Variants in MGAT4C observed in about 807,000 individuals in gnomAD.
MGAT4C encodes alpha-1,3-mannosyl-glycoprotein 4-beta-N-acetylglucosaminyltransferase C.
Under a neutral mutation model 40.1 loss-of-function variants are expected in MGAT4C, and 19 were observed. The ratio of observed to expected loss-of-function variants is 0.47; its 90% confidence interval spans 0.33 to 0.70. The LOEUF is 0.70. MGAT4C is among the 30% of genes least tolerant of loss of function. MGAT4C has a pLI of 0.02. For synonymous variants in MGAT4C, 181 were observed against 187.1 expected, an observed-to-expected ratio of 0.97 and a Z score of 0.27; for missense variants, 491 against 563.2, an observed-to-expected ratio of 0.87 and a Z score of 1.30.
At chr12:86,817,872 G>A (rs1013084214) in intron 1 of MGAT4C, among the ~76,000 whole-genome samples, 1 of 151,406 alleles carries the variant, frequency 6.6e-6, no homozygotes, top group Non-Finnish European at 1.5e-5. Context: ...CTAGGATAGA[G>A]TGTGGGCCTT....
chr12:86,527,627 C>T (rs1421123871), intron 2 of MGAT4C, among the ~76,000 whole-genome samples: 2 of 152,156 alleles, frequency 1.3e-5, no homozygotes, highest in Non-Finnish European at 2.9e-5. Context: ...AATCCATAAG[C>T]ATTGAATATC....
rs1956934976 is a variant in MGAT4C at position 86,426,836 on chromosome 12, AC to A, written c.-120+8320del. 2.0e-5 allele frequency among the ~76,000 whole-genome samples: 3 copies of A among 152,082 alleles called. No individual in the cohort carries two copies. The South Asian group carries it at 6.2e-4, about 32-fold the overall frequency. ...GTGGCGGGCGCCTGTAGTCCCAGCC[AC>A]TCGGGAGGCTGAGGCAGGAGAATGG... On this transcript the variant is annotated intron_variant, in intron 3 of 7. Transcript: ENST00000548651.
rs1883639681 is a variant in MGAT4C, at chr12:85,971,939, G to A, written c.*7350C>T. On this transcript the variant is annotated 3_prime_UTR_variant, in exon 5 of 5. Coordinates refer to ENST00000611864, the MANE Select transcript of MGAT4C (RefSeq NM_001351288.2). The stretch of plus-strand genomic sequence containing the variant: ...AGATAGGTTGTTGGGAATATTCAGG[G>A]TGAATGTGTCTTTTCTACTTTGACT... The A allele has an allele frequency of 3.3e-5, 5 of 151,122 alleles. No individual in the cohort carries two copies. Among genetic ancestry groups the A allele is most frequent in the Admixed American group, 2.6e-4 (4 of 15,130 alleles). 9.4% of individuals were successfully genotyped at this position (151,122 alleles called of 1,614,324 possible). A position where few individuals can be genotyped will look rare whatever the true frequency, so the allele number is the denominator to read the frequency against.
intron 2 of MGAT4C, among the ~76,000 whole-genome samples, chr12:86,526,003 G>C (rs1958873838): frequency 6.6e-6 from 1 of 152,226 alleles, no homozygotes; most frequent in African/African-American, 2.4e-5. Context: ...GTGCTGGGGT[G>C]CCTGCCTCCA....
chr12:86,150,681 G>A (rs1884160825), intron 1 of MGAT4C, among the ~76,000 whole-genome samples: 1 of 152,152 alleles, frequency 6.6e-6, no homozygotes, highest in African/African-American at 2.4e-5. Flanking sequence ...ATAACTTCAA[G>A]CTCAATAATT....
chr12:86,136,151 C>G (rs1398052292), intron 1 of MGAT4C, among the ~76,000 whole-genome samples: 1 of 152,052 alleles, frequency 6.6e-6, no homozygotes, highest in Non-Finnish European at 1.5e-5. Flanking sequence ...AATAATCACT[C>G]TATTAGTCTG....
At chr12:86,411,440 C>T (rs974516975) in intron 3 of MGAT4C, among the ~76,000 whole-genome samples, 6 of 152,174 alleles carry the variant, frequency 3.9e-5, no homozygotes, top group African/African-American at 7.2e-5. Context: ...TTGCAAAGAG[C>T]TTGGCAGCAT....
chr12:86,074,640 G>A (rs1184642923), intron 1 of MGAT4C, among the ~76,000 whole-genome samples: 1 of 152,046 alleles, frequency 6.6e-6, no homozygotes, highest in Non-Finnish European at 1.5e-5. Context: ...TGTTGATAAA[G>A]ACACACCCAA....
At chr12:86,162,705 C>T (rs1885735710) in intron 1 of MGAT4C, among the ~76,000 whole-genome samples, 1 of 152,080 alleles carries the variant, frequency 6.6e-6, no homozygotes, top group Non-Finnish European at 1.5e-5. Context: ...GGTCAACAAA[C>T]AGCTATTGAC....
intron 2 of MGAT4C, among the ~76,000 whole-genome samples, chr12:86,595,769 A>G (rs182022039): frequency 2.6e-5 from 4 of 152,310 alleles, no homozygotes; most frequent in African/African-American, 9.6e-5. Context: ...TTTTTGACAA[A>G]CATCCTTAAA....
At chr12:86,498,949 G>A (rs1958288388) in intron 2 of MGAT4C, among the ~76,000 whole-genome samples, 1 of 151,956 alleles carries the variant, frequency 6.6e-6, no homozygotes, top group Non-Finnish European at 1.5e-5. Context: ...TGCTTGATAT[G>A]CACTATAGAT....
chr12:86,382,835 T>G (rs951590133), intron 3 of MGAT4C, among the ~76,000 whole-genome samples: 1 of 152,180 alleles, frequency 6.6e-6, no homozygotes, highest in African/African-American at 2.4e-5. Flanking sequence ...ACAGAAGTCA[T>G]GAATTGGGGT....
chr12:86,806,196 TG>T (rs1299715447), intron 1 of MGAT4C, among the ~76,000 whole-genome samples: 3 of 151,968 alleles, frequency 2.0e-5, no homozygotes, highest in African/African-American at 7.2e-5. Context: ...TGCAAATATA[TG>T]GGTTGCAAAT....
At chr12:86,723,335 A>C (rs931457716) in intron 2 of MGAT4C, among the ~76,000 whole-genome samples, 3 of 152,186 alleles carry the variant, frequency 2.0e-5, no homozygotes, top group Non-Finnish European at 4.4e-5. Flanking sequence ...AGGGCTGCCA[A>C]AACATAGTGC....
chr12:86,738,244 CAT>C (rs1293647780), intron 1 of MGAT4C, among the ~76,000 whole-genome samples: 1 of 151,390 alleles, frequency 6.6e-6, no homozygotes, highest in Non-Finnish European at 1.5e-5. Context: ...TCTTCTCACA[CAT>C]ATTTGTTTTC....
intron 2 of MGAT4C, among the ~76,000 whole-genome samples, chr12:86,444,852 C>G (rs1957304189): frequency 1.3e-5 from 2 of 152,064 alleles, no homozygotes; most frequent in African/African-American, 4.8e-5. Flanking sequence ...AACAACTCCC[C>G]AAGAGGAAAG....
intron 1 of MGAT4C, among the ~76,000 whole-genome samples, chr12:86,788,198 A>G (rs1042841819): frequency 6.6e-6 from 1 of 151,400 alleles, no homozygotes; most frequent in South Asian, 2.1e-4. Context: ...TATGTAATAC[A>G]TAGGATATCA....
chr12:86,150,391 C>G (rs984307404), intron 1 of MGAT4C, among the ~76,000 whole-genome samples: 1 of 152,126 alleles, frequency 6.6e-6, no homozygotes, highest in East Asian at 1.9e-4. Context: ...GCAAATAATA[C>G]ACGTTCAATA....
upstream of MGAT4C, among the ~76,000 whole-genome samples, chr12:86,257,697 T>C (rs1952562654): frequency 6.6e-6 from 1 of 152,218 alleles, no homozygotes; most frequent in South Asian, 2.1e-4. Context: ...GTTGATAATA[T>C]ATGAAAATAC....
Sources: gnomAD v4.1 joint callset for allele counts (sites outside exome capture counted in the v4.1 genomes callset) on GRCh38, gnomAD v4.1.1 for gene constraint, MANE v1.5 for transcripts, NCBI Gene and HGNC (gene_info 2026-07-23, HGNC 2026-07-21) for gene names.